NHSL1: variants seen among roughly 807,000 people sequenced by gnomAD.
NHSL1 encodes NHS like 1.
Under a neutral mutation model 95.0 loss-of-function variants are expected in NHSL1, and 48 were observed. That is an observed-to-expected ratio of 0.51 (90% CI 0.40 to 0.64). NHSL1 has a LOEUF of 0.64. Ranked by LOEUF, NHSL1 falls within the 30% of genes least tolerant of loss-of-function variation. NHSL1 has a pLI of 0.00. For synonymous variants in NHSL1, 783 were observed against 833.9 expected, an observed-to-expected ratio of 0.94 and a Z score of 1.05; for missense variants, 1,971 against 2,077.7, an observed-to-expected ratio of 0.95 and a Z score of 1.00.
chr6:138,476,266 T>C (rs34333984), intron 2 of NHSL1, among the ~76,000 whole-genome samples: 8,483 of 152,210 alleles, frequency 0.056, 660 homozygotes, highest in East Asian at 0.3. Context: ...AACAGTTGAC[T>C]GAATAAAGAA....
chr6:138,546,313 G>A (rs568684261), upstream of NHSL1, among the ~76,000 whole-genome samples: 17 of 151,468 alleles, frequency 1.1e-4, no homozygotes, highest in South Asian at 2.1e-3. Flanking sequence ...AAAACGGGGC[G>A]GACATGGTGG....
intron 3 of NHSL1, among the ~76,000 whole-genome samples, chr6:138,464,815 T>C (rs1191812761): frequency 5.0e-4 from 75 of 148,662 alleles, no homozygotes; most frequent in Non-Finnish European, 6.4e-4. Context: ...CAGGTTCAAG[T>C]GATTCTCCTG....
rs551112523 is a variant in NHSL1 at position 138,435,789 on chromosome 6, C to T, written c.665-2109G>A. Among the ~76,000 whole-genome samples, 9 of 148,852 alleles carry T rather than the reference C, an allele frequency of 6.0e-5. No homozygotes were observed. In the South Asian group the frequency reaches 1.9e-3, roughly 32 times the overall value. The stretch of plus-strand genomic sequence containing the variant: ...TGTGGCAACCCTGTGTTGAGCAAGT[C>T]TATTGATGCCATTTTTCTAACATGC... On this transcript the variant is annotated intron_variant, in intron 5 of 7. Transcript: ENST00000343505.
At chr6:138,580,986 C>G (rs145458272) in intron 1 of NHSL1, among the ~76,000 whole-genome samples, 11 of 152,170 alleles carry the variant, frequency 7.2e-5, no homozygotes, top group Non-Finnish European at 1.2e-4. Context: ...AGGCTGAGAT[C>G]GAAGTGATTC....
chr6:138,657,306 T>C (rs7757617), intron 1 of NHSL1, among the ~76,000 whole-genome samples: 4,324 of 152,336 alleles, frequency 0.028, 208 homozygotes, highest in African/African-American at 0.098. Context: ...CTTTTTCTTT[T>C]AAATAGTAAG....
intron 2 of NHSL1, among the ~76,000 whole-genome samples, chr6:138,495,385 T>C (rs1265416967): frequency 6.6e-6 from 1 of 152,228 alleles, no homozygotes; most frequent in African/African-American, 2.4e-5. Flanking sequence ...AGGAGCCCAG[T>C]TGGGTGATAC....
chr6:138,492,645 T>A (rs2128281501), intron 2 of NHSL1, among the ~76,000 whole-genome samples: 1 of 152,356 alleles, frequency 6.6e-6, no homozygotes, highest in South Asian at 2.1e-4. Flanking sequence ...TTAAAATGTA[T>A]ATGTTTACAT....
chr6:138,489,985 GGAGAGA>G (rs145500008), intron 2 of NHSL1, among the ~76,000 whole-genome samples: 7 of 96,594 alleles, frequency 7.2e-5, no homozygotes, highest in African/African-American at 1.7e-4. Flanking sequence ...GGGGAGAGGG[GGAGAGA>G]GAGAGAGAGA....
At chr6:138,441,847 C>T in intron 5 of NHSL1, 136 bp downstream of exon 5, 1 of 734,676 alleles carries the variant, frequency 1.4e-6, no homozygotes, top group Admixed American at 3.8e-5. Context: ...ATGCCTCATT[C>T]AGGAAGGAAG....
At chr6:138,665,925 C>G (rs973776983) in intron 1 of NHSL1, among the ~76,000 whole-genome samples, 1 of 152,214 alleles carries the variant, frequency 6.6e-6, no homozygotes, top group Non-Finnish European at 1.5e-5. Context: ...ACTATTCAGT[C>G]ATACACTGTG....
chr6:138,631,147 G>A (rs555232533), intron 1 of NHSL1, among the ~76,000 whole-genome samples: 1 of 152,294 alleles, frequency 6.6e-6, no homozygotes, highest in South Asian at 2.1e-4. Flanking sequence ...GCTGACGCCC[G>A]CCCACGCAGG....
At chr6:138,514,243 G>A (rs183360575) in intron 1 of NHSL1, among the ~76,000 whole-genome samples, 3 of 152,020 alleles carry the variant, frequency 2.0e-5, no homozygotes, top group Admixed American at 6.5e-5. Flanking sequence ...GCTTGAACCC[G>A]GGAGGAGGGG....
chr6:138,505,038 C>T (rs1780888948), intron 1 of NHSL1, among the ~76,000 whole-genome samples: 1 of 152,052 alleles, frequency 6.6e-6, no homozygotes, highest in Non-Finnish European at 1.5e-5. Context: ...TTTATGAAGG[C>T]CAAAGATTAT....
intron 1 of NHSL1, among the ~76,000 whole-genome samples, chr6:138,634,664 C>T (rs557259383): frequency 6.6e-6 from 1 of 152,148 alleles, no homozygotes; most frequent in South Asian, 2.1e-4. Flanking sequence ...AAAAGAAACA[C>T]TGGACTTAAT....
At position 138,437,325 on chromosome 6, in the gene NHSL1, C is replaced by T. The variant is rs1326625632; in HGVS notation, c.665-3645G>A. Among the ~76,000 whole-genome samples the T allele has an allele frequency of 9.6e-4, 62 of 64,380 alleles. 7 individuals carry two copies. The highest frequency in any genetic ancestry group is 6.7e-3 in the Middle Eastern group (1 of 150). 42.2% of individuals were successfully genotyped at this position (64,380 alleles called of 152,430 possible). On this transcript the variant is annotated intron_variant, in intron 5 of 7. Coordinates refer to ENST00000343505, the MANE Select transcript of NHSL1 (RefSeq NM_001144060.2). ...ATATATATATATATATATATACACACACACATATATATATATACACATATA... is the reference window on the plus strand; with the variant it reads ...ATATATATATATATATATATACACATACACATATATATATATACACATATA...
At chr6:138,469,819 G>A (rs1165432762) in intron 3 of NHSL1, among the ~76,000 whole-genome samples, 1 of 152,158 alleles carries the variant, frequency 6.6e-6, no homozygotes. Flanking sequence ...ATAAGCAAAA[G>A]GATGGAAAAC....
At chr6:138,511,120 C>T (rs774917602) in intron 1 of NHSL1, among the ~76,000 whole-genome samples, 9 of 152,124 alleles carry the variant, frequency 5.9e-5, no homozygotes, top group South Asian at 2.1e-4. Context: ...AAAAATGATA[C>T]GCTTAGCTCT....
At chr6:138,605,813 T>C (rs1436575866) in intron 1 of NHSL1, among the ~76,000 whole-genome samples, 1 of 152,212 alleles carries the variant, frequency 6.6e-6, no homozygotes, top group Admixed American at 6.5e-5. Context: ...ACTTGTAGTT[T>C]TGAGAGGAAA....
At chr6:138,467,192 G>A (rs1189903135) in intron 3 of NHSL1, among the ~76,000 whole-genome samples, 3 of 150,582 alleles carry the variant, frequency 2.0e-5, no homozygotes, top group South Asian at 2.1e-4. Context: ...TCTCGCTGTC[G>A]CCCAGGCTGG....
Sources: allele counts gnomAD v4.1 joint callset (sites outside exome capture counted in the v4.1 genomes callset), GRCh38; gene constraint gnomAD v4.1.1; transcripts MANE v1.5; gene names NCBI Gene and HGNC (gene_info 2026-07-23, HGNC 2026-07-21).